The following NHS variants were observed in gnomAD, a reference collection of about 807,000 sequenced individuals.
NHS encodes the protein actin remodeling regulator NHS.
Under a neutral mutation model 72.5 loss-of-function variants are expected in NHS, and 5 were observed. That is an observed-to-expected ratio of 0.07 (90% CI 0.04 to 0.14). The LOEUF (loss-of-function observed/expected upper bound fraction) is 0.14, where lower values mean the gene tolerates loss of function less well. NHS is among the 10% of genes least tolerant of loss of function. NHS has a pLI of 1.00. For missense variants in NHS, 1,072 were observed against 1,355.7 expected, an observed-to-expected ratio of 0.79 and a Z score of 3.29; for synonymous variants, 464 against 547.7, an observed-to-expected ratio of 0.85 and a Z score of 2.13.
intron 3 of NHS, among the ~76,000 whole-genome samples, chrX:17,696,060 G>A (rs1335613703): frequency 2.7e-5 from 3 of 110,959 alleles, no homozygotes; most frequent in East Asian, 2.8e-4. Flanking sequence ...AGAAGAGATC[G>A]AAACAAACGT....
At chrX:17,700,460 G>A (rs1263570672) in intron 3 of NHS, among the ~76,000 whole-genome samples, 4 of 106,676 alleles carry the variant, frequency 3.7e-5, no homozygotes, top group Non-Finnish European at 7.7e-5. Flanking sequence ...AAAAAGAAAA[G>A]AAAAAAAAGA....
chrX:17,494,062 C>T (rs1342165330), intron 1 of NHS, among the ~76,000 whole-genome samples: 1 of 101,877 alleles, frequency 9.8e-6, no homozygotes, highest in African/African-American at 3.5e-5. Context: ...AAGTACAGAG[C>T]AGGTCCTGGA....
intron 1 of NHS, among the ~76,000 whole-genome samples, chrX:17,665,308 T>C (rs2066004696): frequency 9.5e-6 from 1 of 105,338 alleles, no homozygotes; most frequent in African/African-American, 3.5e-5. Context: ...ATTAAGTATA[T>C]TACCTATAGA....
intron 1 of NHS, among the ~76,000 whole-genome samples, chrX:17,569,039 C>T (rs1455043444): frequency 1.8e-5 from 2 of 111,553 alleles, no homozygotes; most frequent in East Asian, 2.8e-4. Flanking sequence ...TGTATATGTG[C>T]CACATTTTCT....
intron 1 of NHS, among the ~76,000 whole-genome samples, chrX:17,644,884 A>G (rs2065898911): frequency 9.0e-6 from 1 of 111,070 alleles, no homozygotes; most frequent in Admixed American, 9.6e-5. Flanking sequence ...TCTCGGGAGT[A>G]TGCATAAGTC....
chrX:17,377,212 G>A (rs1178499134), intron 1 of NHS, among the ~76,000 whole-genome samples: 1 of 112,061 alleles, frequency 8.9e-6, no homozygotes. Context: ...GAAACGACGA[G>A]GAAGGAAGTC....
intron 1 of NHS, among the ~76,000 whole-genome samples, chrX:17,499,388 T>A (rs2065027419): frequency 8.9e-6 from 1 of 111,858 alleles, no homozygotes; most frequent in Non-Finnish European, 1.9e-5. Flanking sequence ...TCTATCCACT[T>A]TCCCCTAAAT....
chrX:17,531,144 C>G (rs111440818), intron 1 of NHS, among the ~76,000 whole-genome samples: 4,131 of 110,856 alleles, frequency 0.037, 212 homozygotes, highest in African/African-American at 0.13. Context: ...TTTTAATTCC[C>G]TTCCCCTTCC....
At chrX:17,435,611 G>A (rs1417002747) in intron 1 of NHS, among the ~76,000 whole-genome samples, 10 of 112,789 alleles carry the variant, frequency 8.9e-5, no homozygotes, top group African/African-American at 2.9e-4. Context: ...CTGCCTCTCC[G>A]TCTGAGTTCT....
intron 1 of NHS, among the ~76,000 whole-genome samples, chrX:17,663,847 G>T (rs2065994654): frequency 8.9e-6 from 1 of 111,741 alleles, no homozygotes; most frequent in Admixed American, 9.5e-5. Context: ...CAGGGTTCTA[G>T]TTGTTCTGCA....
At chrX:17,517,506 A>G (rs1181202010) in intron 1 of NHS, among the ~76,000 whole-genome samples, 1 of 112,423 alleles carries the variant, frequency 8.9e-6, no homozygotes, top group Non-Finnish European at 1.9e-5. Flanking sequence ...CTTAGGAAGG[A>G]AAGTGTCATT....
chrX:17,635,347 G>A (rs2065840135), intron 1 of NHS: 2 of 1,110,032 alleles, frequency 1.8e-6, no homozygotes, highest in Non-Finnish European at 2.4e-6. Context: ...CTAGCACTTG[G>A]GTGAGACCAT....
rs183848894 is a variant in NHS at position 17,448,990 on chromosome X, G to C, written c.565+72668G>C. On this transcript the variant is annotated intron_variant, in intron 1 of 8. Coordinates refer to ENST00000676302, the MANE Select transcript of NHS (RefSeq NM_001291867.2). ...AATGCCTACAATATCTATGGCAGCA[G>C]GTACTGTCGTTGTCTCCATTTTTCA... Among the ~76,000 whole-genome samples the C allele has an allele frequency of 3.2e-3, 363 of 112,748 alleles. 2 individuals carry two copies. Among genetic ancestry groups the C allele is most frequent in the African/African-American group, 0.011 (351 of 31,089 alleles).
At chrX:17,420,868 G>T (rs2064619837) in intron 1 of NHS, among the ~76,000 whole-genome samples, 1 of 110,615 alleles carries the variant, frequency 9.0e-6, no homozygotes, top group African/African-American at 3.3e-5. Context: ...GTTCTCCTTT[G>T]GCAACTGTAT....
chrX:17,444,979 A>AT (rs760913024), intron 1 of NHS, among the ~76,000 whole-genome samples: 5,404 of 109,907 alleles, frequency 0.049, 164 homozygotes, highest in Non-Finnish European at 0.078. Context: ...AGTTTATACT[A>AT]TTTTTTTTGG....
At chrX:17,534,875 C>T (rs2065215943) in intron 1 of NHS, among the ~76,000 whole-genome samples, 2 of 112,075 alleles carry the variant, frequency 1.8e-5, no homozygotes, top group Admixed American at 1.9e-4. Flanking sequence ...CAGTTCTCTT[C>T]CTGAGGGCTT....
At chrX:17,589,960 T>C (rs780139467) in intron 1 of NHS, among the ~76,000 whole-genome samples, 2 of 112,349 alleles carry the variant, frequency 1.8e-5, no homozygotes, top group Non-Finnish European at 3.8e-5. Context: ...TTTTCATGTG[T>C]TTGTTGGTCA....
intron 1 of NHS, among the ~76,000 whole-genome samples, chrX:17,454,944 T>C (rs1197194363): frequency 1.8e-5 from 2 of 111,706 alleles, no homozygotes; most frequent in Non-Finnish European, 3.8e-5. Context: ...TAATTTTATG[T>C]TCAATCAGAG....
intron 1 of NHS, among the ~76,000 whole-genome samples, chrX:17,430,408 T>C (rs2064689200): frequency 1.1e-5 from 1 of 92,873 alleles, no homozygotes; most frequent in African/African-American, 4.1e-5. Context: ...TCTCCTTTCT[T>C]TCTCCTTCCT....
Sources: gnomAD v4.1 joint callset for allele counts (sites outside exome capture counted in the v4.1 genomes callset) on GRCh38, gnomAD v4.1.1 for gene constraint, MANE v1.5 for transcripts, NCBI Gene and HGNC (gene_info 2026-07-23, HGNC 2026-07-21) for gene names.